LARS2: variants seen among roughly 807,000 people sequenced by gnomAD.
LARS2 encodes leucyl-tRNA synthetase 2, mitochondrial.
LARS2 carries 81 observed loss-of-function variants against 116.6 expected under a neutral mutation model. That is an observed-to-expected ratio of 0.69 (90% CI 0.58 to 0.84). The LOEUF (loss-of-function observed/expected upper bound fraction) is 0.84, where lower values mean the gene tolerates loss of function less well. LARS2 is among the 40% of genes least tolerant of loss of function. The pLI is 0.00. For missense variants in LARS2, 968 were observed against 1,114.5 expected, an observed-to-expected ratio of 0.87 and a Z score of 1.87; for synonymous variants, 396 against 407.2, an observed-to-expected ratio of 0.97 and a Z score of 0.33.
At chr3:45,395,534 A>G (rs1438253312) in intron 3 of LARS2, among the ~76,000 whole-genome samples, 5 of 152,232 alleles carry the variant, frequency 3.3e-5, no homozygotes, top group Non-Finnish European at 7.3e-5. Context: ...AAATGTTTGA[A>G]TCTGATTGGA....
intron 6 of LARS2, among the ~76,000 whole-genome samples, chr3:45,438,256 T>C (rs1698838134): frequency 6.6e-6 from 1 of 152,178 alleles, no homozygotes; most frequent in African/African-American, 2.4e-5. Flanking sequence ...GTTGCTTGAT[T>C]ACCGGCACCT....
chr3:45,467,639 A>C lies in LARS2; in HGVS notation c.751-6604A>C, dbSNP rs371794809. On this transcript the variant is annotated intron_variant, in intron 8 of 21. Transcript: ENST00000645846. ...TACCACTGATTGTAAGACATGTCCC[A>C]GTGTCAGAGTTTTTGGGAAAATGTA... Among the ~76,000 whole-genome samples, 32 of 152,328 alleles carry C rather than the reference A, an allele frequency of 2.1e-4. No individual in the cohort carries two copies. The South Asian group carries it at 3.1e-3, about 15-fold the overall frequency.
At chr3:45,533,126 G>A (rs1261110099) in intron 20 of LARS2, among the ~76,000 whole-genome samples, 1 of 144,812 alleles carries the variant, frequency 6.9e-6, no homozygotes, top group East Asian at 2.0e-4. Flanking sequence ...TTTAGCTTTG[G>A]TGGTCACATT....
intron 7 of LARS2, among the ~76,000 whole-genome samples, chr3:45,454,798 G>A (rs1699187740): frequency 6.6e-6 from 1 of 152,190 alleles, no homozygotes; most frequent in Non-Finnish European, 1.5e-5. Context: ...AGGATTGCTG[G>A]ATGAGGGAAG....
chr3:45,441,508 C>T (rs554842852), intron 6 of LARS2, among the ~76,000 whole-genome samples: 18 of 152,294 alleles, frequency 1.2e-4, no homozygotes, highest in African/African-American at 4.3e-4. Context: ...AGGACTTGAA[C>T]CCAAGTCAGA....
At chr3:45,532,831 G>A (rs765087432) in intron 20 of LARS2, among the ~76,000 whole-genome samples, 1 of 151,984 alleles carries the variant, frequency 6.6e-6, no homozygotes, top group Non-Finnish European at 1.5e-5. Flanking sequence ...TAGTAGAGAC[G>A]AGGTTTTGCC....
At chr3:45,500,316 A>T (rs879199160) in intron 14 of LARS2, 126 bp from the exon 15 acceptor site, 5 of 1,023,196 alleles carry the variant, frequency 4.9e-6, no homozygotes, top group East Asian at 2.9e-5. Flanking sequence ...CTTATATTTT[A>T]AAAAAATCAT....
intron 14 of LARS2, among the ~76,000 whole-genome samples, chr3:45,499,742 T>A (rs904601771): frequency 2.8e-4 from 43 of 152,190 alleles, no homozygotes; most frequent in Non-Finnish European, 7.3e-5. Flanking sequence ...AACTCTGACA[T>A]CTCAATTGTG....
At chr3:45,505,755 T>A (rs1456762350) in intron 15 of LARS2, among the ~76,000 whole-genome samples, 1 of 152,110 alleles carries the variant, frequency 6.6e-6, no homozygotes, top group Non-Finnish European at 1.5e-5. Flanking sequence ...ATGTAAGTGA[T>A]TTCTAGCTCC....
chr3:45,516,133 A>G lies in LARS2; in HGVS notation c.1901A>G (p.Glu634Gly). Reference protein sequence around the residue: ...PVHAKTKEKLEVTWEKMSKSK... With the variant: ...PVHAKTKEKLGVTWEKMSKSK... The stretch of plus-strand genomic sequence containing the variant: ...CATGCAAAAACGAAAGAGAAGTTAG[A>G]GGTGACGTGGGAGAAGATGAGTAAG... The change falls in exon 17 of 22, where the codon GAG becomes GGG. Residue 634 changes from glutamate to glycine, a missense_variant. By Grantham distance (98) the Glu-to-Gly change is moderately conservative (BLOSUM62 -2). Transcript: ENST00000645846. 1 of 1,614,184 alleles carries G rather than the reference A, an allele frequency of 6.2e-7. No individual in the cohort carries two copies. Among genetic ancestry groups the G allele is most frequent in the Non-Finnish European group, 8.5e-7 (1 of 1,180,018 alleles).
intron 7 of LARS2, among the ~76,000 whole-genome samples, chr3:45,448,328 G>C (rs1473698420): frequency 3.9e-5 from 6 of 152,208 alleles, no homozygotes; most frequent in Non-Finnish European, 7.3e-5. Flanking sequence ...GCTCTGGCTG[G>C]TAGGGCCTGC....
At chr3:45,490,695 C>T (rs1055203618) in intron 12 of LARS2, among the ~76,000 whole-genome samples, 2 of 152,194 alleles carry the variant, frequency 1.3e-5, no homozygotes, top group African/African-American at 4.8e-5. Context: ...TCATATTTAT[C>T]TTTGTGGCCC....
rs2125727383 is a variant in LARS2, at chr3:45,485,731, A to C, written c.1058A>C (p.Gln353Pro). 1 of 1,612,016 alleles carries C rather than the reference A, an allele frequency of 6.2e-7. No individual in the cohort carries two copies. The highest frequency in any genetic ancestry group is 8.5e-7 in the Non-Finnish European group (1 of 1,179,026). Residue 353 changes from glutamine (Q) to proline (P), a missense_variant, in exon 11 of 22, where the codon CAG (glutamine) becomes CCG (proline). Physicochemically the swap from Gln to Pro is moderately conservative, Grantham distance 76 (BLOSUM62 -1). Transcript: ENST00000645846. ...GTAATGGCTGTGAACATGCTTACCC[A>C]GCAGGAGGTCCCTGTCGTTATTTTG... Reference protein sequence around the residue: ...TPVMAVNMLTQQEVPVVILAK... With the variant: ...TPVMAVNMLTPQEVPVVILAK...
At chr3:45,517,023 A>T (rs1286632422) in intron 17 of LARS2, among the ~76,000 whole-genome samples, 1 of 152,228 alleles carries the variant, frequency 6.6e-6, no homozygotes, top group Non-Finnish European at 1.5e-5. Context: ...TGAAGTATCC[A>T]TGTCATTTGA....
In LARS2 at chr3:45,516,276, A is replaced by G. The variant is rs141661347; in HGVS notation, c.2044A>G (p.Thr682Ala). Residue 682 changes from threonine (T) to alanine (A), a missense_variant and splice_region_variant, in exon 17 of 22, where the codon ACT becomes GCT. Coordinates refer to ENST00000645846, the MANE Select transcript of LARS2 (RefSeq NM_015340.4). ...PEKDILWDVK[T>A]DALPGVLRWQ... The stretch of plus-strand genomic sequence containing the variant: ...GAAGGATATCTTGTGGGATGTGAAA[A>G]GTAAGTCACCTTCCTCTTCCTGACT... 4 of 1,612,232 alleles carry G rather than the reference A, an allele frequency of 2.5e-6. No individual in the cohort carries two copies. The highest frequency in any genetic ancestry group is 3.4e-6 in the Non-Finnish European group (4 of 1,178,894).
At chr3:45,528,070 C>T (rs145411021) in intron 20 of LARS2, among the ~76,000 whole-genome samples, 29 of 152,328 alleles carry the variant, frequency 1.9e-4, no homozygotes, top group African/African-American at 7.0e-4. Flanking sequence ...GGTGCAGTGG[C>T]TCACGCTTGT....
At chr3:45,419,852 G>C (rs563618771) in intron 6 of LARS2, 123 bp downstream of exon 6, 167 of 753,170 alleles carry the variant, frequency 2.2e-4, no homozygotes, top group African/African-American at 2.2e-3. Flanking sequence ...AGGAGGGAAG[G>C]ATTAGCACTC....
At chr3:45,462,635 G>A (rs1269266499) in intron 8 of LARS2, among the ~76,000 whole-genome samples, 2 of 152,172 alleles carry the variant, frequency 1.3e-5, no homozygotes, top group African/African-American at 2.4e-5. Context: ...CTGGAGGGGG[G>A]AAGAGGATGG....
chr3:45,541,804 A>G (rs1404131287), intron 20 of LARS2, 25 bp from the exon 21 acceptor site: 2 of 1,613,264 alleles, frequency 1.2e-6, no homozygotes, highest in Non-Finnish European at 1.7e-6. Context: ...GAGTGACCCC[A>G]CGCTTCTGTG....
Sources: gnomAD v4.1 joint callset for allele counts (sites outside exome capture counted in the v4.1 genomes callset) on GRCh38, gnomAD v4.1.1 for gene constraint, MANE v1.5 for transcripts, NCBI Gene and HGNC (gene_info 2026-07-23, HGNC 2026-07-21) for gene names.